The following TRPM6 variants were observed in gnomAD, a reference collection of about 807,000 sequenced individuals.
TRPM6 encodes channel kinase 2.
TRPM6 carries 111 observed loss-of-function variants against 247.6 expected under a neutral mutation model. The observed-to-expected ratio is 0.45, with a 90% CI of 0.38 to 0.52. TRPM6 has a LOEUF of 0.52. Ranked by LOEUF, TRPM6 falls within the 20% of genes least tolerant of loss-of-function variation. The probability of loss-of-function intolerance (pLI) is 0.00; values close to 1 mark genes in which losing one functional copy is unlikely to be tolerated. For synonymous variants in TRPM6, 892 were observed against 853.8 expected, an observed-to-expected ratio of 1.04 and a Z score of -0.78; for missense variants, 2,126 against 2,421.5, an observed-to-expected ratio of 0.88 and a Z score of 2.56.
chr9:74,807,984 C>T (rs760166431), intron 14 of TRPM6, 50 bp downstream of exon 14: 2 of 1,610,346 alleles, frequency 1.2e-6, no homozygotes, highest in East Asian at 4.5e-5. Flanking sequence ...TCCAAAACAA[C>T]AATTCCTAAT....
At position 74,812,339 on chromosome 9, in the gene TRPM6, C is replaced by A. The variant is rs373324464; in HGVS notation, c.1403G>T (p.Arg468Leu). 6.2e-7 allele frequency: 1 copy of A among 1,613,540 alleles called. No homozygotes were observed. The highest frequency in any genetic ancestry group is 8.5e-7 in the Non-Finnish European group (1 of 1,179,600). ...LLIEYGVNLH[R>L]FLTIPRLEEL... ...TTCCAGTCGAGGGATGGTAAGAAAG[C>A]GATGGAGGTTCACTCCATATTCTAT... The change falls in exon 12 of 39, where the codon CGC becomes CTC. Residue 468 changes from arginine to leucine, a missense_variant. By Grantham distance (102) the Arg-to-Leu change is moderately radical. Around this residue, in one of 3 missense-constraint regions of TRPM6, gnomAD observed 1,082 missense variants for 1,307.9 expected, o/e 0.83. Coordinates refer to ENST00000360774, the MANE Select transcript of TRPM6 (RefSeq NM_017662.5).
At chr9:74,781,301 A>G (rs1387795029) in intron 23 of TRPM6, among the ~76,000 whole-genome samples, 2 of 152,012 alleles carry the variant, frequency 1.3e-5, no homozygotes, top group Non-Finnish European at 2.9e-5. Context: ...TTAGGGAGGC[A>G]GAGGCAGGTG....
chr9:74,880,959 T>G (rs1486139138), intron 1 of TRPM6, among the ~76,000 whole-genome samples: 2 of 152,116 alleles, frequency 1.3e-5, no homozygotes, highest in Non-Finnish European at 2.9e-5. Context: ...GGATTAAATT[T>G]TCTACTTAAC....
In TRPM6 at chr9:74,856,056, G is replaced by T. The variant is rs149517598; in HGVS notation, c.114-491C>A. On this transcript the variant is annotated intron_variant, in intron 2 of 38. Coordinates refer to ENST00000360774, the MANE Select transcript of TRPM6 (RefSeq NM_017662.5). ...AAGCACTATCAAATAAGGGACATTT[G>T]GTATAATTACAAATTATCCTTTATT... Among the ~76,000 whole-genome samples the T allele has an allele frequency of 2.8e-3, 421 of 152,042 alleles. 2 individuals are homozygous for T. The highest frequency in any genetic ancestry group is 9.9e-3 in the African/African-American group (409 of 41,458).
chr9:74,885,231 G>A (rs1367151804), intron 1 of TRPM6, among the ~76,000 whole-genome samples: 2 of 152,166 alleles, frequency 1.3e-5, no homozygotes, highest in Non-Finnish European at 2.9e-5. Context: ...CAAAAATTAT[G>A]AGATAACTAT....
At chr9:74,796,014 C>T (rs1194130702) in intron 18 of TRPM6, among the ~76,000 whole-genome samples, 1 of 152,144 alleles carries the variant, frequency 6.6e-6, no homozygotes, top group Non-Finnish European at 1.5e-5. Context: ...CAGTTTCCTG[C>T]CACAATACGT....
intron 36 of TRPM6, among the ~76,000 whole-genome samples, chr9:74,736,849 G>C (rs967486782): frequency 1.3e-5 from 2 of 152,096 alleles, no homozygotes; most frequent in Non-Finnish European, 2.9e-5. Flanking sequence ...ATTACTAAGA[G>C]ACATAAAAAT....
intron 8 of TRPM6, 37 bp downstream of exon 8, chr9:74,821,632 C>T: frequency 1.2e-6 from 2 of 1,612,188 alleles, no homozygotes; most frequent in Non-Finnish European, 1.7e-6. Flanking sequence ...GAATAAACAG[C>T]CCCTATAGTT....
At chr9:74,772,775 A>T (rs1203544383) in intron 24 of TRPM6, among the ~76,000 whole-genome samples, 1 of 152,190 alleles carries the variant, frequency 6.6e-6, no homozygotes. Context: ...TGGGAGGCCG[A>T]GGCAGGTGGA....
chr9:74,784,709 C>G (rs1265907782), intron 21 of TRPM6, among the ~76,000 whole-genome samples: 1 of 152,168 alleles, frequency 6.6e-6, no homozygotes, highest in African/African-American at 2.4e-5. Context: ...AGCTGAGTGT[C>G]CCAACAAACT....
chr9:74,788,738 G>C lies in TRPM6; in HGVS notation c.2543C>G (p.Ala848Gly), dbSNP rs1345248909. 6.2e-7 allele frequency: 1 copy of C among 1,613,680 alleles called. No homozygotes were observed. Among genetic ancestry groups the C allele is most frequent in the African/African-American group, 1.3e-5 (1 of 74,910 alleles). Residue 848 changes from alanine to glycine, a missense_variant, in exon 20 of 39, where the codon GCG (alanine) becomes GGG (glycine). Physicochemically the swap from Ala to Gly is moderately conservative, Grantham distance 60. Coordinates refer to ENST00000360774, the MANE Select transcript of TRPM6 (RefSeq NM_017662.5). ...GAACAGCATGAGGAATGCCAAATAC[G>C]CCATCTGTGAGGGGGACACACATTC... ...PIVKFWFYTM[A>G]YLAFLMLFTY...
chr9:74,808,551 A>G (rs1193714355), intron 13 of TRPM6, among the ~76,000 whole-genome samples: 1 of 152,236 alleles, frequency 6.6e-6, no homozygotes, highest in East Asian at 1.9e-4. Flanking sequence ...AAAATATTAA[A>G]CAAGTAGAAA....
At chr9:74,761,857 A>G (rs977298580) in intron 26 of TRPM6, 49 bp from the exon 27 acceptor site, 2 of 1,519,398 alleles carry the variant, frequency 1.3e-6, no homozygotes, top group South Asian at 1.1e-5. Flanking sequence ...TAAGTGGGGA[A>G]CATTTTGTTT....
At chr9:74,850,359 G>T (rs1268346622) in intron 3 of TRPM6, among the ~76,000 whole-genome samples, 1 of 151,830 alleles carries the variant, frequency 6.6e-6, no homozygotes, top group Non-Finnish European at 1.5e-5. Context: ...GCGACAGAGG[G>T]AGACTCTGTC....
intron 9 of TRPM6, among the ~76,000 whole-genome samples, chr9:74,817,932 T>C (rs1294168832): frequency 6.6e-6 from 1 of 152,180 alleles, no homozygotes; most frequent in Admixed American, 6.5e-5. Context: ...TCCTCATCCA[T>C]AAAATGAGAG....
intron 1 of TRPM6, among the ~76,000 whole-genome samples, chr9:74,874,134 G>T (rs1831117583): frequency 6.6e-6 from 1 of 151,966 alleles, no homozygotes; most frequent in Admixed American, 6.6e-5. Context: ...TACTCAGAAG[G>T]CAGAGTGAGA....
At position 74,723,891 on chromosome 9, in the gene TRPM6, T is replaced by A. The variant is rs1296113464; in HGVS notation, c.*722A>T. ...ATATATTCCATATATATTATATATATAAAAATATATATAATATACATATTC... is the reference window on the plus strand; with the variant it reads ...ATATATTCCATATATATTATATATAAAAAAATATATATAATATACATATTC... On this transcript the variant is annotated 3_prime_UTR_variant, in exon 39 of 39. Coordinates refer to ENST00000360774, the MANE Select transcript of TRPM6 (RefSeq NM_017662.5). 7 of 145,714 alleles carry A rather than the reference T, an allele frequency of 4.8e-5. No individual in the cohort carries two copies. 9.0% of individuals were successfully genotyped at this position (145,714 alleles called of 1,614,324 possible).
intron 1 of TRPM6, among the ~76,000 whole-genome samples, chr9:74,871,921 C>T (rs182697855): frequency 5.0e-4 from 75 of 151,216 alleles, no homozygotes; most frequent in Non-Finnish European, 6.6e-4. Flanking sequence ...GGCACAATCT[C>T]GGCTCACTGC....
rs765478191 is a variant in TRPM6 at position 74,792,611 on chromosome 9, C to T, written c.2538+13G>A. Reference sequence around the variant, plus strand: ...ATCATTAATCCGACATATATTGTTGCAATGAGACCAACCGTATAAAACCAA... The same window carrying T: ...ATCATTAATCCGACATATATTGTTGTAATGAGACCAACCGTATAAAACCAA... On this transcript the variant is annotated intron_variant, in intron 19 of 38. Coordinates refer to ENST00000360774, the MANE Select transcript of TRPM6 (RefSeq NM_017662.5). 2 of 1,613,044 alleles carry T rather than the reference C, an allele frequency of 1.2e-6. No individual in the cohort carries two copies. Among genetic ancestry groups the T allele is most frequent in the African/African-American group, 1.3e-5 (1 of 74,992 alleles).
Sources: allele counts gnomAD v4.1 joint callset (sites outside exome capture counted in the v4.1 genomes callset), GRCh38; gene constraint gnomAD v4.1.1; regional missense constraint gnomAD v4.1.1; transcripts MANE v1.5; gene names NCBI Gene and HGNC (gene_info 2026-07-23, HGNC 2026-07-21).